Variants in PBX3 observed in about 807,000 individuals in gnomAD.
The protein encoded by PBX3 is PBX homeobox 3, also known as pre-B-cell leukemia transcription factor 3.
Under a neutral mutation model 48.5 loss-of-function variants are expected in PBX3, and 14 were observed. That is an observed-to-expected ratio of 0.29 (90% CI 0.19 to 0.45). The LOEUF (loss-of-function observed/expected upper bound fraction) is 0.45. Ranked by LOEUF, PBX3 falls within the 20% of genes least tolerant of loss-of-function variation. PBX3 has a pLI of 1.00. For missense variants in PBX3, 386 were observed against 546.7 expected (o/e 0.71, Z 2.93); for synonymous variants, 210 against 200.3 (o/e 1.05, Z -0.41).
chr9:125,808,140 A>G (rs183554530), intron 2 of PBX3, among the ~76,000 whole-genome samples: 4 of 152,320 alleles, frequency 2.6e-5, no homozygotes, highest in African/African-American at 4.8e-5. Flanking sequence ...CTACATACAT[A>G]CAATTGTTAA....
At chr9:125,851,870 CTTTT>C (rs1164910184) in intron 2 of PBX3, among the ~76,000 whole-genome samples, 6 of 121,450 alleles carry the variant, frequency 4.9e-5, no homozygotes, top group Admixed American at 2.5e-4. Flanking sequence ...ATTTTTGCTG[CTTTT>C]TTTTTTTTTT....
intron 5 of PBX3, among the ~76,000 whole-genome samples, chr9:125,957,563 G>A (rs1188839617): frequency 2.0e-5 from 3 of 152,176 alleles, no homozygotes; most frequent in African/African-American, 7.2e-5. Context: ...CTAGAGATGA[G>A]ACCTTCGATG....
intron 2 of PBX3, among the ~76,000 whole-genome samples, chr9:125,814,732 C>T (rs1341513146): frequency 6.6e-6 from 1 of 152,154 alleles, no homozygotes; most frequent in African/African-American, 2.4e-5. Context: ...TTTACTTCTC[C>T]ACAGAGGCAC....
intron 2 of PBX3, among the ~76,000 whole-genome samples, chr9:125,864,744 A>T (rs143464570): frequency 8.2e-4 from 125 of 152,322 alleles, no homozygotes; most frequent in African/African-American, 2.9e-3. Flanking sequence ...GTGGCTATAA[A>T]TACAGATAAA....
chr9:125,889,863 C>T (rs932628815), intron 2 of PBX3, among the ~76,000 whole-genome samples: 2 of 147,832 alleles, frequency 1.4e-5, no homozygotes, highest in African/African-American at 4.9e-5. Context: ...AATGGGCGCG[C>T]CCGACGCCCG....
At position 125,962,042 on chromosome 9, in the gene PBX3, T is replaced by C. The variant is rs1396999192; in HGVS notation, c.1010-60T>C. The C allele has an allele frequency of 7.3e-6, 6 of 825,068 alleles. No homozygotes were observed. The South Asian group carries it at 7.3e-5, about 10-fold the overall frequency. 51.1% of individuals were successfully genotyped at this position (825,068 alleles called of 1,614,324 possible). A position where few individuals can be genotyped will look rare whatever the true frequency, so the allele number is the denominator to read the frequency against. On this transcript the variant is annotated intron_variant, in intron 6 of 8. Transcript: ENST00000373489. The stretch of plus-strand genomic sequence containing the variant: ...TTTTTCTCATCTCCCTGCCTCTAGG[T>C]CTTTGAGGATTATGTGTGTAGCTCT...
chr9:125,804,060 T>C (rs189869928), intron 2 of PBX3, among the ~76,000 whole-genome samples: 1 of 152,338 alleles, frequency 6.6e-6, no homozygotes. Flanking sequence ...CTTCATCTCT[T>C]GCTACATTTG....
intron 2 of PBX3, among the ~76,000 whole-genome samples, chr9:125,794,640 T>C (rs1176074575): frequency 6.6e-6 from 1 of 151,074 alleles, no homozygotes; most frequent in Non-Finnish European, 1.5e-5. Flanking sequence ...TAATTACTCA[T>C]GTATGCCTTT....
intron 2 of PBX3, among the ~76,000 whole-genome samples, chr9:125,751,305 C>A (rs1836368731): frequency 6.6e-6 from 1 of 152,026 alleles, no homozygotes; most frequent in South Asian, 2.1e-4. Context: ...TAAAACAAAA[C>A]AAAATCATTT....
intron 2 of PBX3, among the ~76,000 whole-genome samples, chr9:125,914,549 CATGTA>C (rs141290886): frequency 0.059 from 9,002 of 152,070 alleles, 604 homozygotes; most frequent in East Asian, 0.17. Context: ...GATGTTATGT[CATGTA>C]AGTTACACTA....
chr9:125,950,343 C>T (rs1366460652), intron 5 of PBX3, among the ~76,000 whole-genome samples: 1 of 152,184 alleles, frequency 6.6e-6, no homozygotes, highest in Non-Finnish European at 1.5e-5. Flanking sequence ...TAAAAAAATA[C>T]TGTACTTGAC....
intron 2 of PBX3, among the ~76,000 whole-genome samples, chr9:125,903,676 A>C (rs550962663): frequency 6.6e-6 from 1 of 151,886 alleles, no homozygotes; most frequent in Non-Finnish European, 1.5e-5. Context: ...TTAACAAATG[A>C]GAGTTCCCAA....
At chr9:125,777,011 TTTTC>T (rs1368517574) in intron 2 of PBX3, among the ~76,000 whole-genome samples, 3 of 81,870 alleles carry the variant, frequency 3.7e-5, no homozygotes, top group Admixed American at 1.4e-4. Context: ...TTTTCTTTTC[TTTTC>T]TTTTTTTTTT....
chr9:125,793,983 G>A (rs928556754), intron 2 of PBX3, among the ~76,000 whole-genome samples: 3 of 152,056 alleles, frequency 2.0e-5, no homozygotes, highest in Non-Finnish European at 2.9e-5. Context: ...ACCCAATCAC[G>A]CAACTTAAAT....
chr9:125,914,451 GA>G (rs1459451179), intron 2 of PBX3, among the ~76,000 whole-genome samples: 1 of 152,208 alleles, frequency 6.6e-6, no homozygotes, highest in Non-Finnish European at 1.5e-5. Context: ...ATCTAGGAAT[GA>G]AATCTGTTCT....
At chr9:125,812,948 GAA>G (rs1838336624) in intron 2 of PBX3, among the ~76,000 whole-genome samples, 1 of 152,204 alleles carries the variant, frequency 6.6e-6, no homozygotes, top group African/African-American at 2.4e-5. Flanking sequence ...TTGTAGGACT[GAA>G]AATTGCTCAG....
intron 3 of PBX3, among the ~76,000 whole-genome samples, chr9:125,920,752 T>G (rs1841440069): frequency 6.6e-6 from 1 of 152,188 alleles, no homozygotes; most frequent in African/African-American, 2.4e-5. Flanking sequence ...AGATGTCATT[T>G]GAACTCACCC....
intron 2 of PBX3, among the ~76,000 whole-genome samples, chr9:125,907,591 T>G (rs1032858090): frequency 1.3e-5 from 2 of 152,056 alleles, no homozygotes; most frequent in Non-Finnish European, 2.9e-5. Flanking sequence ...GTTCGTGGTA[T>G]CCCTATTTAC....
chr9:125,836,360 G>A (rs1238899297), intron 2 of PBX3, among the ~76,000 whole-genome samples: 1 of 152,120 alleles, frequency 6.6e-6, no homozygotes, highest in Non-Finnish European at 1.5e-5. Flanking sequence ...CAGGAGAATG[G>A]CATGAACCCG....
Sources: allele counts gnomAD v4.1 joint callset (sites outside exome capture counted in the v4.1 genomes callset), GRCh38; gene constraint gnomAD v4.1.1; transcripts MANE v1.5; gene names NCBI Gene and HGNC (gene_info 2026-07-23, HGNC 2026-07-21).